Variants in CPNE8 observed in about 807,000 individuals in gnomAD.
CPNE8 encodes copine-8.
CPNE8 carries 45 observed loss-of-function variants against 81.5 expected under a neutral mutation model. That is an observed-to-expected ratio of 0.55 (90% CI 0.44 to 0.71). CPNE8 has a LOEUF of 0.71. CPNE8 is among the 30% of genes least tolerant of loss of function. CPNE8 has a pLI of 0.00. For synonymous variants in CPNE8, 252 were observed against 226.3 expected (o/e 1.11, Z -1.02); for missense variants, 594 against 672.1 (o/e 0.88, Z 1.28).
chr12:38,772,302 C>A (rs1941819186), intron 7 of CPNE8, among the ~76,000 whole-genome samples: 1 of 152,070 alleles, frequency 6.6e-6, no homozygotes, highest in Admixed American at 6.6e-5. Flanking sequence ...CTCAGATATT[C>A]TTTTATTGCA....
At chr12:38,875,083 A>G (rs1944048277) in intron 1 of CPNE8, among the ~76,000 whole-genome samples, 1 of 152,200 alleles carries the variant, frequency 6.6e-6, no homozygotes, top group Non-Finnish European at 1.5e-5. Context: ...AGTAAACATT[A>G]AAAAAGTACA....
intron 1 of CPNE8, among the ~76,000 whole-genome samples, chr12:38,884,501 G>C (rs1181615084): frequency 6.6e-6 from 1 of 152,094 alleles, no homozygotes; most frequent in African/African-American, 2.4e-5. Context: ...ATGAAGATTT[G>C]TACAAGTTTT....
chr12:38,655,505 T>C (rs1435735251), intron 19 of CPNE8, among the ~76,000 whole-genome samples: 1 of 152,204 alleles, frequency 6.6e-6, no homozygotes, highest in African/African-American at 2.4e-5. Context: ...GTACAATATA[T>C]AAAAATTTGA....
intron 1 of CPNE8, among the ~76,000 whole-genome samples, chr12:38,877,213 G>A (rs1423355489): frequency 6.6e-6 from 1 of 151,998 alleles, no homozygotes; most frequent in Non-Finnish European, 1.5e-5. Context: ...TGAATATAAA[G>A]GAAAATAAAT....
chr12:38,676,732 G>C (rs557192958), intron 17 of CPNE8, among the ~76,000 whole-genome samples: 1 of 152,234 alleles, frequency 6.6e-6, no homozygotes, highest in African/African-American at 2.4e-5. Context: ...TCCAGCAATA[G>C]ATAGATGGAA....
intron 6 of CPNE8, among the ~76,000 whole-genome samples, chr12:38,799,628 T>A (rs1458131167): frequency 1.3e-5 from 2 of 151,964 alleles, no homozygotes; most frequent in African/African-American, 2.4e-5. Context: ...AACATCACAA[T>A]TAAAAGAACT....
At chr12:38,699,950 T>A (rs905804733) in intron 14 of CPNE8, among the ~76,000 whole-genome samples, 3 of 152,174 alleles carry the variant, frequency 2.0e-5, no homozygotes, top group Admixed American at 2.0e-4. Flanking sequence ...ATTTATTGGT[T>A]ATAGTAGATT....
intron 15 of CPNE8, among the ~76,000 whole-genome samples, chr12:38,693,122 T>A (rs138309458): frequency 6.6e-6 from 1 of 152,076 alleles, no homozygotes. Flanking sequence ...TGAATGAACA[T>A]GAGCAAAGAA....
At chr12:38,764,066 G>A (rs577078220) in intron 8 of CPNE8, among the ~76,000 whole-genome samples, 1 of 152,182 alleles carries the variant, frequency 6.6e-6, no homozygotes, top group Non-Finnish European at 1.5e-5. Flanking sequence ...AAGGAAACTC[G>A]TGTCATTAAA....
At chr12:38,867,357 A>T (rs1375440310) in intron 3 of CPNE8, among the ~76,000 whole-genome samples, 1 of 151,746 alleles carries the variant, frequency 6.6e-6, no homozygotes, top group Non-Finnish European at 1.5e-5. Flanking sequence ...AGAGAGAGAG[A>T]GAGAGAGAGA....
chr12:38,763,557 G>A (rs1009040971), intron 8 of CPNE8, among the ~76,000 whole-genome samples: 5 of 152,120 alleles, frequency 3.3e-5, no homozygotes, highest in African/African-American at 1.2e-4. Context: ...GAATTCCTAA[G>A]GGAAGAAAGA....
chr12:38,798,571 C>T (rs1448420373), intron 6 of CPNE8, among the ~76,000 whole-genome samples: 1 of 152,016 alleles, frequency 6.6e-6, no homozygotes, highest in Non-Finnish European at 1.5e-5. Flanking sequence ...GAAAGAACAA[C>T]CGGTACCAGC....
At chr12:38,708,376 T>TA (rs138659020) in intron 13 of CPNE8, among the ~76,000 whole-genome samples, 67,212 of 149,986 alleles carry the variant, frequency 0.45, 16,102 homozygotes, top group Middle Eastern at 0.6. Flanking sequence ...CGTGTCAAAG[T>TA]AAAAAAAAAA....
intron 6 of CPNE8, among the ~76,000 whole-genome samples, chr12:38,810,919 C>T (rs1203616413): frequency 6.6e-6 from 1 of 152,132 alleles, no homozygotes; most frequent in East Asian, 1.9e-4. Flanking sequence ...CTTTCAATCT[C>T]TTAGACTTCC....
Position 38,875,437 on chromosome 12 carries a change from T to C in CPNE8, c.99-926A>G, listed in dbSNP as rs907544044. Reference sequence around the variant, plus strand: ...AAAAGTTCAAATTTGTGTTTAATAATCATCTTCCATTAATTAAAATGGAGT... The same window carrying C: ...AAAAGTTCAAATTTGTGTTTAATAACCATCTTCCATTAATTAAAATGGAGT... On this transcript the variant is annotated intron_variant, in intron 1 of 19. Transcript: ENST00000331366. Among the ~76,000 whole-genome samples the C allele has an allele frequency of 1.1e-4, 16 of 152,314 alleles. No homozygotes were observed. The East Asian group carries it at 3.1e-3, about 29-fold the overall frequency.
intron 11 of CPNE8, among the ~76,000 whole-genome samples, chr12:38,725,145 T>TAAC (rs1940663792): frequency 6.6e-6 from 1 of 152,198 alleles, no homozygotes; most frequent in African/African-American, 2.4e-5. Context: ...TGATTACCCT[T>TAAC]AACTATGGTC....
intron 10 of CPNE8, among the ~76,000 whole-genome samples, chr12:38,739,266 T>C (rs1375200125): frequency 6.6e-6 from 1 of 152,188 alleles, no homozygotes; most frequent in East Asian, 1.9e-4. Flanking sequence ...ATGGAAATAG[T>C]ATAGTTCACC....
intron 3 of CPNE8, among the ~76,000 whole-genome samples, chr12:38,855,393 A>G (rs7134818): frequency 0.054 from 8,274 of 152,122 alleles, 735 homozygotes; most frequent in African/African-American, 0.19. Flanking sequence ...ATATAGAACC[A>G]CAAAAGATCC....
intron 18 of CPNE8, among the ~76,000 whole-genome samples, chr12:38,671,209 A>C (rs535408814): frequency 6.6e-6 from 1 of 152,268 alleles, no homozygotes; most frequent in South Asian, 2.1e-4. Flanking sequence ...GCTTGGCCTT[A>C]ATCATCATAG....
Sources: allele counts gnomAD v4.1 joint callset (sites outside exome capture counted in the v4.1 genomes callset), GRCh38; gene constraint gnomAD v4.1.1; transcripts MANE v1.5; gene names NCBI Gene and HGNC (gene_info 2026-07-23, HGNC 2026-07-21).